TSC22D1: variants seen among roughly 807,000 people sequenced by gnomAD.
The protein encoded by TSC22D1 is TSC22 domain family member 1, also known as TSC22 domain family protein 1.
Under a neutral mutation model 74.2 loss-of-function variants are expected in TSC22D1, and 9 were observed. The observed-to-expected ratio is 0.12, with a 90% CI of 0.07 to 0.21. The LOEUF (loss-of-function observed/expected upper bound fraction) is 0.21, where lower values mean the gene tolerates loss of function less well. Among genes scored for constraint, TSC22D1 ranks in the 10% least tolerant of loss-of-function variants. The pLI is 1.00. For missense variants in TSC22D1, 1,427 were observed against 1,304.7 expected, an observed-to-expected ratio of 1.09 and a Z score of -1.44; for synonymous variants, 586 against 492.5, an observed-to-expected ratio of 1.19 and a Z score of -2.51.
chr13:44,504,912 T>G (rs1879379164), intron 1 of TSC22D1, among the ~76,000 whole-genome samples: 1 of 152,156 alleles, frequency 6.6e-6, no homozygotes, highest in African/African-American at 2.4e-5. Context: ...GAATGGTGCT[T>G]TTAAAACTAG....
chr13:44,439,696 A>G (rs1391358471), intron 1 of TSC22D1, among the ~76,000 whole-genome samples: 1 of 152,258 alleles, frequency 6.6e-6, no homozygotes, highest in Non-Finnish European at 1.5e-5. Context: ...CACATTAAAC[A>G]GCCTGGACAA....
intron 1 of TSC22D1, among the ~76,000 whole-genome samples, chr13:44,518,276 C>T (rs1285142968): frequency 6.6e-6 from 1 of 152,006 alleles, no homozygotes; most frequent in Non-Finnish European, 1.5e-5. Flanking sequence ...TAGAGGTAAA[C>T]AAACGACAGT....
At chr13:44,551,711 G>A (rs1333439600) in intron 1 of TSC22D1, among the ~76,000 whole-genome samples, 3 of 152,090 alleles carry the variant, frequency 2.0e-5, no homozygotes, top group African/African-American at 4.8e-5. Context: ...GTGAGCCATC[G>A]TGCCCGGCCG....
chr13:44,476,161 A>G (rs1314986927), intron 1 of TSC22D1, among the ~76,000 whole-genome samples: 1 of 152,198 alleles, frequency 6.6e-6, no homozygotes, highest in Non-Finnish European at 1.5e-5. Flanking sequence ...AGGGATATGG[A>G]GTTTTCAAAT....
Position 44,574,184 on chromosome 13 carries a change from G to C in TSC22D1, c.1891C>G (p.Gln631Glu), listed in dbSNP as rs1884011687. Residue 631 changes from glutamine to glutamate, a missense_variant, in exon 1 of 3, where the codon CAA (glutamine) becomes GAA (glutamate). Gln to Glu is a conservative substitution (Grantham distance 29). Transcript: ENST00000458659. Reference sequence around the variant, plus strand: ...TGTGTAGAAACCATTGGTTGCTGTTGTCCATACTGTAACTGTTGGGGTGGT... The same window carrying C: ...TGTGTAGAAACCATTGGTTGCTGTTCTCCATACTGTAACTGTTGGGGTGGT... Reference protein sequence around the residue: ...APPPQQLQYGQQQPMVSTQMA... With the variant: ...APPPQQLQYGEQQPMVSTQMA... The C allele has an allele frequency of 2.5e-6, 4 of 1,614,172 alleles. No individual in the cohort carries two copies. Among genetic ancestry groups the C allele is most frequent in the Non-Finnish European group, 3.4e-6 (4 of 1,180,016 alleles).
At chr13:44,486,288 T>G (rs1878424825) in intron 1 of TSC22D1, among the ~76,000 whole-genome samples, 2 of 151,810 alleles carry the variant, frequency 1.3e-5, no homozygotes, top group Non-Finnish European at 2.9e-5. Context: ...TGCTAAAAGA[T>G]GAAAAGTGGA....
At chr13:44,567,286 C>A (rs1170576733) in intron 1 of TSC22D1, among the ~76,000 whole-genome samples, 1 of 152,040 alleles carries the variant, frequency 6.6e-6, no homozygotes. Flanking sequence ...AAGAAGAAAC[C>A]GACACTAGAA....
intron 1 of TSC22D1, among the ~76,000 whole-genome samples, chr13:44,486,181 A>G (rs998327222): frequency 2.0e-5 from 3 of 152,094 alleles, no homozygotes; most frequent in Admixed American, 1.3e-4. Context: ...ATATAAACAG[A>G]CAAGACTCAC....
chr13:44,449,673 A>C lies in TSC22D1; in HGVS notation c.2913-13578T>G, dbSNP rs997275426. Among the ~76,000 whole-genome samples the C allele has an allele frequency of 9.9e-5, 15 of 151,010 alleles. No individual in the cohort carries two copies. In the East Asian group the frequency reaches 1.2e-3, roughly 12 times the overall value. On this transcript the variant is annotated intron_variant, in intron 1 of 2. Transcript: ENST00000458659. ...TATCCATGATTAAATAAGGGTAAGA[A>C]GACAATGCGATGAAAATAATAAAGT...
At chr13:44,537,083 G>A in intron 1 of TSC22D1, 1 of 941,216 alleles carries the variant, frequency 1.1e-6, no homozygotes, top group African/African-American at 1.8e-5. Flanking sequence ...ACAGAAATAA[G>A]CCATTATCAG....
chr13:44,444,278 C>CAAAAAAAAAAAAAAAAAAAAAAAAAAA (rs71070905), intron 1 of TSC22D1, among the ~76,000 whole-genome samples: 2 of 17,582 alleles, frequency 1.1e-4, no homozygotes, highest in South Asian at 4.2e-3. Flanking sequence ...GACTCTGTCT[C>CAAAAAAAAAAAAAAAAAAAAAAAAAAA]AAAAAAAAAA....
intron 1 of TSC22D1, among the ~76,000 whole-genome samples, chr13:44,543,066 C>T (rs1037933082): frequency 5.3e-5 from 8 of 152,064 alleles, no homozygotes; most frequent in Non-Finnish European, 1.2e-4. Flanking sequence ...CCTACCAGTA[C>T]ATCAATGAAA....
intron 1 of TSC22D1, among the ~76,000 whole-genome samples, chr13:44,548,873 A>G (rs1595156195): frequency 6.6e-6 from 1 of 152,184 alleles, no homozygotes; most frequent in East Asian, 1.9e-4. Flanking sequence ...TATAAGATAG[A>G]CTTTTAAATG....
intron 1 of TSC22D1, among the ~76,000 whole-genome samples, chr13:44,470,824 T>C (rs1489838806): frequency 6.6e-6 from 1 of 152,164 alleles, no homozygotes; most frequent in East Asian, 1.9e-4. Flanking sequence ...AAAAAGCAAG[T>C]TGACGTCAGA....
rs1006677717 is a variant in TSC22D1, at chr13:44,481,182, CAG to C, written c.2913-45089_2913-45088del. The stretch of plus-strand genomic sequence containing the variant: ...GTAACAGGCAGCAATGCCAAAGATA[CAG>C]AGAGATCAAATGAGACAAGAAGGAT... On this transcript the variant is annotated intron_variant, in intron 1 of 2. Coordinates refer to ENST00000458659, the MANE Select transcript of TSC22D1 (RefSeq NM_183422.4). Among the ~76,000 whole-genome samples the C allele has an allele frequency of 9.9e-5, 15 of 152,278 alleles. No individual in the cohort carries two copies. In the Middle Eastern group the frequency reaches 0.014, roughly 138 times the overall value.
At chr13:44,436,888 T>A in intron 1 of TSC22D1, 1 of 1,144,616 alleles carries the variant, frequency 8.7e-7, no homozygotes, top group Non-Finnish European at 1.1e-6. Context: ...GCAAAATATA[T>A]GCAGGAAAGA....
In TSC22D1 at chr13:44,575,548, G is replaced by A. The variant is rs748098375; in HGVS notation, c.527C>T (p.Thr176Ile). The A allele has an allele frequency of 5.0e-6, 8 of 1,613,960 alleles. No homozygotes were observed. The highest frequency in any genetic ancestry group is 5.1e-6 in the Non-Finnish European group (6 of 1,180,038). The change falls in exon 1 of 3, where the codon ACC becomes ATC. Residue 176 changes from threonine (T) to isoleucine (I), a missense_variant. This residue lies in a region of TSC22D1 where 1,343 missense variants were observed against 1,191.5 expected (regional missense o/e 1.13). Transcript: ENST00000458659. ...GEPERSSSEE[T>I]LNNFQEAETP... ...CTCGGCTTCCTGGAAGTTATTTAGG[G>A]TCTCTTCTGAGGAGCTGCGTTCGGG...
In TSC22D1 at chr13:44,512,174, TTTTG is replaced by T. The variant is rs925898581; in HGVS notation, c.2912+60985_2912+60988del. ...CTTTTTTTGTTTGTTTGTTTTCTTTTTTTGTTTGTTTTTGAGACGGAGTCTTGCT... is the reference window on the plus strand; with the variant it reads ...CTTTTTTTGTTTGTTTGTTTTCTTTTTTTGTTTTTGAGACGGAGTCTTGCT... On this transcript the variant is annotated intron_variant, in intron 1 of 2. Coordinates refer to ENST00000458659, the MANE Select transcript of TSC22D1 (RefSeq NM_183422.4). 5.6e-4 allele frequency among the ~76,000 whole-genome samples: 85 copies of T among 151,980 alleles called. 1 individual carries two copies. Among genetic ancestry groups the T allele is most frequent in the Admixed American group, 3.3e-4 (5 of 15,254 alleles).
intron 1 of TSC22D1, among the ~76,000 whole-genome samples, chr13:44,502,718 G>A (rs9533881): frequency 0.36 from 54,018 of 152,018 alleles, 10,851 homozygotes; most frequent in Middle Eastern, 0.54. Flanking sequence ...CAGTGGCAGG[G>A]GTTGAGTTGC....
Sources: gnomAD v4.1 joint callset for allele counts (sites outside exome capture counted in the v4.1 genomes callset) on GRCh38, gnomAD v4.1.1 for gene constraint, gnomAD v4.1.1 regional missense constraint, MANE v1.5 for transcripts, NCBI Gene and HGNC (gene_info 2026-07-23, HGNC 2026-07-21) for gene names.